PTPRQ: variants seen among roughly 807,000 people sequenced by gnomAD.
The protein encoded by PTPRQ is phosphatidylinositol phosphatase PTPRQ.
Under a neutral mutation model 246.0 loss-of-function variants are expected in PTPRQ, and 199 were observed. That is an observed-to-expected ratio of 0.81 (90% CI 0.72 to 0.91). The LOEUF (loss-of-function observed/expected upper bound fraction) is 0.91. Among genes scored for constraint, PTPRQ ranks in the 40% least tolerant of loss-of-function variants. PTPRQ has a pLI of 0.00. For missense variants in PTPRQ, 2,624 were observed against 2,528.4 expected, an observed-to-expected ratio of 1.04 and a Z score of -0.81; for synonymous variants, 869 against 853.2, an observed-to-expected ratio of 1.02 and a Z score of -0.32.
chr12:80,454,208 T>C (rs1892883963), intron 3 of PTPRQ, among the ~76,000 whole-genome samples: 1 of 148,554 alleles, frequency 6.7e-6, no homozygotes, highest in South Asian at 2.1e-4. Flanking sequence ...GTGCCGTTTT[T>C]TAAGCCCGTC....
chr12:80,657,111 A>T (rs1006172645), intron 38 of PTPRQ, among the ~76,000 whole-genome samples: 5 of 151,880 alleles, frequency 3.3e-5, no homozygotes, highest in Non-Finnish European at 7.4e-5. Flanking sequence ...CAAACTAAGA[A>T]GAAAATTTTA....
At chr12:80,564,915 T>G (rs556442360) in intron 25 of PTPRQ, among the ~76,000 whole-genome samples, 124 of 152,328 alleles carry the variant, frequency 8.1e-4, no homozygotes, top group African/African-American at 2.9e-3. Context: ...TTATAAAACT[T>G]TCTTCATTAA....
chr12:80,657,551 A>T (rs986767368), intron 38 of PTPRQ, among the ~76,000 whole-genome samples: 2 of 151,872 alleles, frequency 1.3e-5, no homozygotes, highest in Non-Finnish European at 3.0e-5. Flanking sequence ...TCAACATTTT[A>T]TAATTACAAA....
intron 23 of PTPRQ, 35 bp from the exon 24 acceptor site, chr12:80,546,521 G>A: frequency 6.6e-7 from 1 of 1,524,886 alleles, no homozygotes; most frequent in South Asian, 1.3e-5. Flanking sequence ...TTTTTTGACA[G>A]TGCATTAACT....
chr12:80,475,058 A>G (rs1206348035), intron 8 of PTPRQ, among the ~76,000 whole-genome samples: 2 of 152,324 alleles, frequency 1.3e-5, no homozygotes, highest in East Asian at 3.9e-4. Flanking sequence ...AATTTGCTAG[A>G]TAATGGCAAA....
At chr12:80,630,104 T>C (rs1331587179) in intron 33 of PTPRQ, among the ~76,000 whole-genome samples, 1 of 152,222 alleles carries the variant, frequency 6.6e-6, no homozygotes, top group Non-Finnish European at 1.5e-5. Context: ...TACTTGTATA[T>C]ACGTTTTCAA....
chr12:80,677,307 C>T (rs1258461591), intron 43 of PTPRQ, among the ~76,000 whole-genome samples: 2 of 152,128 alleles, frequency 1.3e-5, no homozygotes, highest in East Asian at 3.9e-4. Context: ...GGAATTACCT[C>T]GAGAAGTAAC....
At chr12:80,529,318 A>G (rs983437625) in intron 17 of PTPRQ, among the ~76,000 whole-genome samples, 5 of 152,214 alleles carry the variant, frequency 3.3e-5, no homozygotes, top group Non-Finnish European at 7.4e-5. Flanking sequence ...AATCTACAAC[A>G]TTTAGATAAT....
At chr12:80,491,477 G>C (rs1019269069) in intron 9 of PTPRQ, among the ~76,000 whole-genome samples, 1 of 151,906 alleles carries the variant, frequency 6.6e-6, no homozygotes, top group Admixed American at 6.6e-5. Context: ...TCCCATACAA[G>C]GACATAGGAA....
chr12:80,497,903 G>A (rs1894678331), intron 14 of PTPRQ, among the ~76,000 whole-genome samples: 1 of 151,942 alleles, frequency 6.6e-6, no homozygotes, highest in Non-Finnish European at 1.5e-5. Flanking sequence ...TACTATATAC[G>A]AATTTCTGTC....
intron 34 of PTPRQ, 31 bp downstream of exon 34, chr12:80,632,322 T>A: frequency 6.4e-7 from 1 of 1,550,996 alleles, no homozygotes; most frequent in Non-Finnish European, 8.7e-7. Flanking sequence ...CATTCCAGGA[T>A]GCTTTATGGG....
chr12:80,460,808 C>T lies in PTPRQ; in HGVS notation c.816C>T (p.His272=), dbSNP rs1200686386. 2.5e-6 allele frequency: 1 copy of T among 400,570 alleles called. No individual in the cohort carries two copies. Among genetic ancestry groups the T allele is most frequent in the Non-Finnish European group, 4.4e-6 (1 of 226,232 alleles). 24.8% of individuals were successfully genotyped at this position (400,570 alleles called of 1,614,324 possible). The change falls in exon 6 of 45, where the codon CAC becomes CAT. Residue 272 remains histidine, a synonymous_variant. Transcript: ENST00000644991. ...WKEPISFVVT[H]LRPYTTYLFE... ...AGCCTATCAGTTTTGTAGTGACACACTTGAGACCTTATACAACATATCTTT... is the reference window on the plus strand; with the variant it reads ...AGCCTATCAGTTTTGTAGTGACACATTTGAGACCTTATACAACATATCTTT...
intron 35 of PTPRQ, among the ~76,000 whole-genome samples, chr12:80,636,303 A>T (rs973138641): frequency 2.8e-4 from 43 of 152,240 alleles, no homozygotes; most frequent in African/African-American, 9.6e-4. Context: ...TATTATGTAC[A>T]AAATATCAAA....
intron 25 of PTPRQ, among the ~76,000 whole-genome samples, chr12:80,571,988 TCTG>T (rs1208598351): frequency 2.0e-5 from 3 of 152,064 alleles, no homozygotes; most frequent in Non-Finnish European, 4.4e-5. Context: ...TCAAAATTCT[TCTG>T]GCTATTTTTG....
At chr12:80,519,115 G>A (rs780407019) in intron 17 of PTPRQ, among the ~76,000 whole-genome samples, 7 of 151,992 alleles carry the variant, frequency 4.6e-5, no homozygotes, top group Non-Finnish European at 8.8e-5. Context: ...CCATGACATC[G>A]AATAGCTTTC....
At chr12:80,450,117 G>C (rs538971242) in intron 3 of PTPRQ, among the ~76,000 whole-genome samples, 5 of 151,984 alleles carry the variant, frequency 3.3e-5, no homozygotes, top group Non-Finnish European at 5.9e-5. Flanking sequence ...GGATTCCTAG[G>C]TATTTTATTC....
Position 80,549,622 on chromosome 12 carries a change from C to A in PTPRQ, c.4173C>A (p.Tyr1391Ter), listed in dbSNP as rs1313651117. Residue 1391 changes from tyrosine (Y) to a stop codon, truncating the protein, a stop_gained, in exon 25 of 45, where the codon TAC becomes TAA. Coordinates refer to ENST00000644991, the MANE Select transcript of PTPRQ (RefSeq NM_001145026.2). LOFTEE classifies it high-confidence loss of function. ...STKVSPQDHM[Y>*]TFIKLLANTS... ...AAGTTTCTCCCCAAGATCACATGTACACTTTCATAAAGCTTCTTGCCAATA... is the reference window on the plus strand; with the variant it reads ...AAGTTTCTCCCCAAGATCACATGTAAACTTTCATAAAGCTTCTTGCCAATA... 1.3e-6 allele frequency: 2 copies of A among 1,551,090 alleles called. No homozygotes were observed. The highest frequency in any genetic ancestry group is 1.7e-6 in the Non-Finnish European group (2 of 1,146,622).
intron 38 of PTPRQ, among the ~76,000 whole-genome samples, chr12:80,657,533 A>T (rs1418031885): frequency 1.3e-5 from 2 of 151,844 alleles, no homozygotes; most frequent in Non-Finnish European, 2.9e-5. Flanking sequence ...AATTTCAATT[A>T]TATCTATTCA....
At chr12:80,541,979 T>G in intron 21 of PTPRQ, 110 bp from the exon 22 acceptor site, 1 of 1,469,522 alleles carries the variant, frequency 6.8e-7, no homozygotes, top group South Asian at 1.4e-5. Flanking sequence ...ATAAACACAG[T>G]GTTTCTTAAA....
Sources: gnomAD v4.1 joint callset for allele counts (sites outside exome capture counted in the v4.1 genomes callset) on GRCh38, gnomAD v4.1.1 for gene constraint, MANE v1.5 for transcripts, NCBI Gene and HGNC (gene_info 2026-07-23, HGNC 2026-07-21) for gene names.